Variants in EFNA5 observed in about 807,000 individuals in gnomAD.
EFNA5 encodes the protein ephrin-A5.
A neutral mutation model predicts 22.9 loss-of-function variants in EFNA5; 5 were observed. That is an observed-to-expected ratio of 0.22 (90% CI 0.11 to 0.46). The LOEUF (loss-of-function observed/expected upper bound fraction) is 0.46, where lower values mean the gene tolerates loss of function less well. Among genes scored for constraint, EFNA5 ranks in the 20% least tolerant of loss-of-function variants. The pLI, the probability that EFNA5 is intolerant of heterozygous loss-of-function variation, is 0.99. For synonymous variants in EFNA5, 113 were observed against 112.2 expected, an observed-to-expected ratio of 1.01 and a Z score of -0.04; for missense variants, 237 against 293.3, an observed-to-expected ratio of 0.81 and a Z score of 1.40.
At chr5:107,465,701 G>A (rs909931576) in intron 1 of EFNA5, among the ~76,000 whole-genome samples, 1 of 152,090 alleles carries the variant, frequency 6.6e-6, no homozygotes, top group Admixed American at 6.6e-5. Context: ...GACAGTCTTT[G>A]TTCAATCTCT....
chr5:107,494,314 T>G (rs1373148168), intron 1 of EFNA5, among the ~76,000 whole-genome samples: 1 of 152,070 alleles, frequency 6.6e-6, no homozygotes, highest in Non-Finnish European at 1.5e-5. Context: ...CGGGTGGGCG[T>G]GGGCTTGGCG....
chr5:107,637,214 A>C (rs1750390842), intron 1 of EFNA5, among the ~76,000 whole-genome samples: 1 of 152,224 alleles, frequency 6.6e-6, no homozygotes, highest in African/African-American at 2.4e-5. Context: ...TATAATTATA[A>C]GAGAAATCAA....
chr5:107,436,643 C>T (rs1749117312), intron 1 of EFNA5, among the ~76,000 whole-genome samples: 2 of 152,048 alleles, frequency 1.3e-5, no homozygotes, highest in Admixed American at 1.3e-4. Flanking sequence ...TTACACCCCC[C>T]AGCCCCAACT....
intron 1 of EFNA5, among the ~76,000 whole-genome samples, chr5:107,627,090 C>T (rs1750158235): frequency 6.6e-6 from 1 of 152,174 alleles, no homozygotes; most frequent in Non-Finnish European, 1.5e-5. Context: ...GCTACCTTTT[C>T]AATCTTCTTC....
intron 1 of EFNA5, among the ~76,000 whole-genome samples, chr5:107,623,959 T>G (rs909729488): frequency 6.6e-6 from 1 of 152,098 alleles, no homozygotes; most frequent in Non-Finnish European, 1.5e-5. Flanking sequence ...GTAGAATTTT[T>G]TTTCCAATAC....
intron 1 of EFNA5, among the ~76,000 whole-genome samples, chr5:107,576,314 C>T (rs556697125): frequency 1.0e-3 from 152 of 152,230 alleles, no homozygotes; most frequent in African/African-American, 3.5e-3. Context: ...GTTTAGGAAA[C>T]GGCTTAAGGA....
intron 2 of EFNA5, among the ~76,000 whole-genome samples, chr5:107,391,540 A>T (rs923509236): frequency 2.6e-5 from 4 of 152,214 alleles, no homozygotes; most frequent in Non-Finnish European, 5.9e-5. Flanking sequence ...TCTAGATCTG[A>T]AATCTTCCTC....
At chr5:107,528,299 C>T (rs144129047) in intron 1 of EFNA5, among the ~76,000 whole-genome samples, 2 of 152,352 alleles carry the variant, frequency 1.3e-5, no homozygotes, top group Admixed American at 1.3e-4. Context: ...TGATGGGACA[C>T]TCATTATAAC....
At chr5:107,594,053 G>T (rs540726781) in intron 1 of EFNA5, among the ~76,000 whole-genome samples, 100 of 152,238 alleles carry the variant, frequency 6.6e-4, no homozygotes, top group African/African-American at 2.4e-3. Context: ...TTCATGACTG[G>T]CTCTTCAAAT....
intron 1 of EFNA5, among the ~76,000 whole-genome samples, chr5:107,607,327 G>C (rs527286410): frequency 6.6e-6 from 1 of 152,118 alleles, no homozygotes; most frequent in Non-Finnish European, 1.5e-5. Flanking sequence ...ATAAAACGGC[G>C]AGTAGGCTAA....
intron 1 of EFNA5, among the ~76,000 whole-genome samples, chr5:107,630,811 G>GT: frequency 6.6e-6 from 1 of 152,168 alleles, no homozygotes; most frequent in East Asian, 1.9e-4. Flanking sequence ...ACTGTACAAA[G>GT]TATTTTCTTT....
At chr5:107,645,434 ATGT>A (rs1750612142) in intron 1 of EFNA5, among the ~76,000 whole-genome samples, 1 of 152,216 alleles carries the variant, frequency 6.6e-6, no homozygotes, top group Non-Finnish European at 1.5e-5. Flanking sequence ...CACTATTCAC[ATGT>A]TAATAACTCT....
At chr5:107,503,901 C>G (rs1747194635) in intron 1 of EFNA5, among the ~76,000 whole-genome samples, 1 of 152,122 alleles carries the variant, frequency 6.6e-6, no homozygotes, top group African/African-American at 2.4e-5. Context: ...TTACATCATT[C>G]AGTATTTGCA....
chr5:107,383,807 T>A (rs971915351), intron 4 of EFNA5, among the ~76,000 whole-genome samples: 1 of 152,216 alleles, frequency 6.6e-6, no homozygotes, highest in Non-Finnish European at 1.5e-5. Flanking sequence ...AAGGAATAGA[T>A]CTTACAAGGT....
intron 4 of EFNA5, among the ~76,000 whole-genome samples, chr5:107,385,497 G>A (rs1461066469): frequency 6.6e-6 from 1 of 152,100 alleles, no homozygotes; most frequent in Non-Finnish European, 1.5e-5. Context: ...TTCTTCTCGT[G>A]GCTTCTTAAC....
intron 2 of EFNA5, among the ~76,000 whole-genome samples, chr5:107,410,477 A>G (rs1748339077): frequency 6.6e-6 from 1 of 152,208 alleles, no homozygotes. Flanking sequence ...CTATATACTT[A>G]GTATACTTTA....
chr5:107,503,725 G>A (rs1211093429), intron 1 of EFNA5, among the ~76,000 whole-genome samples: 1 of 152,048 alleles, frequency 6.6e-6, no homozygotes, highest in Non-Finnish European at 1.5e-5. Context: ...TGTAACCCAA[G>A]CTATCAGCAG....
At chr5:107,618,326 T>C (rs1044979439) in intron 1 of EFNA5, among the ~76,000 whole-genome samples, 1 of 152,206 alleles carries the variant, frequency 6.6e-6, no homozygotes, top group African/African-American at 2.4e-5. Context: ...TAAACAAAAT[T>C]CATTATATGA....
chr5:107,552,457 A>G (rs1748320338), intron 1 of EFNA5, among the ~76,000 whole-genome samples: 1 of 152,202 alleles, frequency 6.6e-6, no homozygotes, highest in Non-Finnish European at 1.5e-5. Flanking sequence ...CACAGAAAGC[A>G]TAGGTAACTC....
Sources: allele counts gnomAD v4.1 joint callset (sites outside exome capture counted in the v4.1 genomes callset), GRCh38; gene constraint gnomAD v4.1.1; transcripts MANE v1.5; gene names NCBI Gene and HGNC (gene_info 2026-07-23, HGNC 2026-07-21).